RGS3: variants seen among roughly 807,000 people sequenced by gnomAD.
The protein encoded by RGS3 is regulator of G protein signaling 3.
Under a neutral mutation model 132.6 loss-of-function variants are expected in RGS3, and 80 were observed. The observed-to-expected ratio is 0.60, with a 90% CI of 0.50 to 0.73. The LOEUF (loss-of-function observed/expected upper bound fraction) is 0.73, where lower values mean the gene tolerates loss of function less well. Ranked by LOEUF, RGS3 falls within the 30% of genes least tolerant of loss-of-function variation. The probability of loss-of-function intolerance (pLI) is 0.00; values close to 1 mark genes in which losing one functional copy is unlikely to be tolerated. For missense variants in RGS3, 1,382 were observed against 1,530.8 expected, an observed-to-expected ratio of 0.90 and a Z score of 1.62; for synonymous variants, 598 against 620.6, an observed-to-expected ratio of 0.96 and a Z score of 0.54.
chr9:113,535,047 C>A (rs892970718), intron 18 of RGS3, among the ~76,000 whole-genome samples: 6 of 152,112 alleles, frequency 3.9e-5, no homozygotes, highest in African/African-American at 1.4e-4. Flanking sequence ...ATTGTCTTTG[C>A]CCCTAACCTG....
intron 6 of RGS3, 48 bp from the exon 5 acceptor site, chr9:113,485,574 GCCT>G: frequency 1.4e-6 from 2 of 1,453,514 alleles, no homozygotes; most frequent in South Asian, 2.4e-5. Context: ...GTCAGCTATG[GCCT>G]GGAGCTCAGC....
At chr9:113,522,818 AG>A in intron 16 of RGS3, 111 bp from the exon 15 acceptor site, 1 of 757,650 alleles carries the variant, frequency 1.3e-6, no homozygotes. Flanking sequence ...TGAGATGATG[AG>A]GATGCATTAT....
chr9:113,571,870 A>AT (rs537817296), intron 19 of RGS3, among the ~76,000 whole-genome samples: 96 of 152,350 alleles, frequency 6.3e-4, no homozygotes, highest in African/African-American at 2.1e-3. Context: ...CTTGAAATAG[A>AT]TTTTTATCCA....
At chr9:113,471,540 A>G (rs930552967) in intron 3 of RGS3, among the ~76,000 whole-genome samples, 1 of 152,064 alleles carries the variant, frequency 6.6e-6, no homozygotes, top group Admixed American at 6.5e-5. Context: ...GAAGTCCCCT[A>G]CATATATTTT....
Position 113,506,304 on chromosome 9 carries a change from C to T in RGS3, c.980-84C>T. On this transcript the variant is annotated intron_variant, in intron 11 of 24. Coordinates refer to ENST00000350696, the Ensembl canonical transcript of RGS3. The surrounding 1 kb of genome is among the most constrained non-coding windows in gnomAD (Gnocchi z 4.7). The stretch of plus-strand genomic sequence containing the variant: ...AAAAAGGGAGGTCCTTGTCTGAGGT[C>T]ACCATGGCAGCAAAGGACTCCAGAT... 3.7e-6 allele frequency: 3 copies of T among 805,502 alleles called. No individual in the cohort carries two copies. The highest frequency in any genetic ancestry group is 5.5e-5 in the East Asian group (2 of 36,670). The allele number at this position is 805,502 out of a possible 1,614,324, so 49.9% of individuals were successfully genotyped here.
chr9:113,560,847 G>T (rs1833753664), intron 19 of RGS3, among the ~76,000 whole-genome samples: 1 of 152,202 alleles, frequency 6.6e-6, no homozygotes, highest in Non-Finnish European at 1.5e-5. Context: ...TCTGCAGTGA[G>T]TTGGGACAGT....
intron 19 of RGS3, among the ~76,000 whole-genome samples, chr9:113,558,042 T>C (rs966877798): frequency 2.0e-4 from 30 of 152,122 alleles, no homozygotes; most frequent in African/African-American, 6.5e-4. Flanking sequence ...CAGGGAGCAG[T>C]GTGGAGCTAT....
Position 113,591,511 on chromosome 9 carries a change from AC to A in RGS3, c.3080+118del. On this transcript the variant is annotated intron_variant, in intron 21 of 24. Coordinates refer to ENST00000350696, the Ensembl canonical transcript of RGS3. The surrounding 1 kb of genome is among the most constrained non-coding windows in gnomAD (Gnocchi z 4.4). ...GAGGTTGTGCCTGGTCCCGCCCACA[AC>A]CCCAGACAGACACCAAGGAAAAACT... The A allele has an allele frequency of 1.1e-6, 1 of 903,222 alleles. No homozygotes were observed. Among genetic ancestry groups the A allele is most frequent in the Non-Finnish European group, 1.8e-6 (1 of 552,464 alleles). 56.0% of individuals were successfully genotyped at this position (903,222 alleles called of 1,614,324 possible). A position where few individuals can be genotyped will look rare whatever the true frequency, so the allele number is the denominator to read the frequency against.
At chr9:113,484,679 A>G (rs914834607) in intron 6 of RGS3, among the ~76,000 whole-genome samples, 13 of 152,322 alleles carry the variant, frequency 8.5e-5, no homozygotes, top group African/African-American at 3.1e-4. Flanking sequence ...GGCTAATAAT[A>G]GTAGCAACCT....
chr9:113,527,719 A>T (rs1832276804), intron 17 of RGS3, among the ~76,000 whole-genome samples: 1 of 152,168 alleles, frequency 6.6e-6, no homozygotes, highest in South Asian at 2.1e-4. Flanking sequence ...CTTCACCCAC[A>T]CCAGGGCCCT....
intron 3 of RGS3, among the ~76,000 whole-genome samples, chr9:113,468,919 C>T (rs1023293237): frequency 4.6e-5 from 7 of 151,976 alleles, no homozygotes; most frequent in Admixed American, 6.6e-5. Flanking sequence ...TGAAAGCTGT[C>T]GGGAGCAGCT....
At chr9:113,543,099 A>G (rs556571617) in intron 19 of RGS3, among the ~76,000 whole-genome samples, 4 of 152,236 alleles carry the variant, frequency 2.6e-5, no homozygotes, top group Admixed American at 1.3e-4. Flanking sequence ...TGCAGGTCTG[A>G]GGGACACGGC....
At chr9:113,447,166 G>A (rs1321071735) in intron 1 of RGS3, among the ~76,000 whole-genome samples, 1 of 148,984 alleles carries the variant, frequency 6.7e-6, no homozygotes, top group African/African-American at 2.5e-5. Context: ...GGAGGCTGAG[G>A]CAGAAGAATT....
rs891293416 is a variant in RGS3 at position 113,537,230 on chromosome 9, C to T, written c.2037+312C>T. 6.6e-6 allele frequency among the ~76,000 whole-genome samples: 1 copy of T among 152,240 alleles called. No individual in the cohort carries two copies. The highest frequency in any genetic ancestry group is 1.5e-5 in the Non-Finnish European group (1 of 68,038). On this transcript the variant is annotated intron_variant, in intron 19 of 24. Transcript: ENST00000350696. This position sits in a 1 kb window ranked among gnomAD's most constrained non-coding sequence, Gnocchi z 4.3. ...TTCGGGCTGGCCTCCCTGATGCTGC[C>T]TGGCATGCGTTCACCTCTGCCATTG...
chr9:113,492,738 T>G (rs1470188863), intron 7 of RGS3, among the ~76,000 whole-genome samples: 1 of 152,184 alleles, frequency 6.6e-6, no homozygotes, highest in Non-Finnish European at 1.5e-5. Flanking sequence ...TTAAAAGAAG[T>G]CTTTCTTCCT....
chr9:113,504,743 T>A (rs1461765871), intron 10 of RGS3, among the ~76,000 whole-genome samples: 1 of 152,208 alleles, frequency 6.6e-6, no homozygotes, highest in African/African-American at 2.4e-5. Context: ...CATGGACTTC[T>A]GAAAGTAGGA....
At chr9:113,574,738 G>A (rs537149239) in intron 19 of RGS3, among the ~76,000 whole-genome samples, 3 of 152,334 alleles carry the variant, frequency 2.0e-5, no homozygotes, top group Admixed American at 6.5e-5. Context: ...TTAGGGAAAT[G>A]AGAGGTCCCA....
At position 113,583,022 on chromosome 9, in the gene RGS3, A is replaced by G. The variant is rs530148976; in HGVS notation, c.2038-428A>G. 4.8e-5 allele frequency: 10 copies of G among 206,794 alleles called. No homozygotes were observed. In the East Asian group the frequency reaches 1.2e-3, roughly 26 times the overall value. 12.8% of individuals were successfully genotyped at this position (206,794 alleles called of 1,614,324 possible). On this transcript the variant is annotated intron_variant, in intron 19 of 24. Coordinates refer to ENST00000350696, the Ensembl canonical transcript of RGS3. ...GACTGCCCTGGCTTGGTTCTGGTCCATAAGCAGAGACTGCCTGGTTCTCCT... is the reference window on the plus strand; with the variant it reads ...GACTGCCCTGGCTTGGTTCTGGTCCGTAAGCAGAGACTGCCTGGTTCTCCT...
intron 3 of RGS3, among the ~76,000 whole-genome samples, chr9:113,474,735 C>T (rs909722107): frequency 2.0e-5 from 3 of 152,184 alleles, no homozygotes; most frequent in Admixed American, 1.3e-4. Flanking sequence ...CTTAAATGGG[C>T]AGCGGCTTCT....
Sources: allele counts gnomAD v4.1 joint callset (sites outside exome capture counted in the v4.1 genomes callset), GRCh38; gene constraint gnomAD v4.1.1; non-coding constraint Gnocchi (gnomAD v3.1); transcripts MANE v1.5; gene names NCBI Gene and HGNC (gene_info 2026-07-23, HGNC 2026-07-21).